The following HHAT variants were observed in gnomAD, a reference collection of about 807,000 sequenced individuals.
The protein encoded by HHAT is hedgehog acyltransferase.
A neutral mutation model predicts 70.8 loss-of-function variants in HHAT; 47 were observed. That is an observed-to-expected ratio of 0.66 (90% confidence interval 0.53 to 0.85). HHAT has a LOEUF of 0.85. Among genes scored for constraint, HHAT ranks in the 40% least tolerant of loss-of-function variants. The pLI is 0.00. For missense variants in HHAT, 609 were observed against 604.8 expected, an observed-to-expected ratio of 1.01 and a Z score of -0.07; for synonymous variants, 228 against 247.6, an observed-to-expected ratio of 0.92 and a Z score of 0.74.
intron 9 of HHAT, among the ~76,000 whole-genome samples, chr1:210,578,224 G>A (rs1658359299): frequency 6.6e-6 from 1 of 152,032 alleles, no homozygotes; most frequent in Non-Finnish European, 1.5e-5. Context: ...TATGTTTCAA[G>A]ATATATGTGA....
chr1:210,372,381 A>G (rs1221088837), intron 3 of HHAT, among the ~76,000 whole-genome samples: 1 of 152,244 alleles, frequency 6.6e-6, no homozygotes, highest in East Asian at 1.9e-4. Context: ...TTTAACAAAA[A>G]TAAAGTTCTT....
At chr1:210,359,490 G>A (rs922717472) in intron 2 of HHAT, among the ~76,000 whole-genome samples, 3 of 152,056 alleles carry the variant, frequency 2.0e-5, no homozygotes, top group Non-Finnish European at 4.4e-5. Flanking sequence ...CACCCAGATC[G>A]ATGAACTGGC....
At chr1:210,517,906 G>C (rs2095086094) in intron 9 of HHAT, among the ~76,000 whole-genome samples, 1 of 152,082 alleles carries the variant, frequency 6.6e-6, no homozygotes, top group Non-Finnish European at 1.5e-5. Flanking sequence ...ACCTCCTCAG[G>C]TGGGGCAGTA....
chr1:210,657,968 T>C (rs2148952156), intron 11 of HHAT, among the ~76,000 whole-genome samples: 1 of 152,334 alleles, frequency 6.6e-6, no homozygotes, highest in East Asian at 1.9e-4. Context: ...TTGCCACAAC[T>C]ATTATTTTTA....
At chr1:210,478,679 C>T (rs2148479655) in intron 8 of HHAT, among the ~76,000 whole-genome samples, 1 of 152,226 alleles carries the variant, frequency 6.6e-6, no homozygotes, top group African/African-American at 2.4e-5. Flanking sequence ...CGGCCCTTTT[C>T]CAGCATAATG....
chr1:210,670,618 A>G (rs1232792832), intron 11 of HHAT, among the ~76,000 whole-genome samples: 1 of 152,160 alleles, frequency 6.6e-6, no homozygotes, highest in Admixed American at 6.5e-5. Context: ...ATTCATGATG[A>G]TTCTGTCATC....
intron 5 of HHAT, among the ~76,000 whole-genome samples, chr1:210,400,930 A>G (rs1044235323): frequency 6.6e-6 from 1 of 152,214 alleles, no homozygotes; most frequent in Non-Finnish European, 1.5e-5. Context: ...GGGGTGCCAG[A>G]TGTCACAGGG....
chr1:210,605,865 T>C (rs78361450), intron 10 of HHAT, among the ~76,000 whole-genome samples: 3 of 151,814 alleles, frequency 2.0e-5, no homozygotes, highest in African/African-American at 4.8e-5. Context: ...TTTTTTTTTT[T>C]CCTCTTTTGA....
intron 1 of HHAT, chr1:210,329,316 G>T: frequency 8.2e-7 from 1 of 1,219,908 alleles, no homozygotes; most frequent in Non-Finnish European, 1.0e-6. Context: ...CCCGGGCAAA[G>T]GCGGGGATCT....
At chr1:210,349,538 G>T (rs1470890327) in intron 2 of HHAT, among the ~76,000 whole-genome samples, 1 of 152,016 alleles carries the variant, frequency 6.6e-6, no homozygotes, top group Non-Finnish European at 1.5e-5. Context: ...CGGCAGTTTG[G>T]CAAGGAGCAC....
chr1:210,332,451 C>T (rs1256237627), intron 1 of HHAT, among the ~76,000 whole-genome samples: 2 of 152,366 alleles, frequency 1.3e-5, no homozygotes, highest in African/African-American at 2.4e-5. Flanking sequence ...CGCAGTGACT[C>T]ATTAATCCTC....
chr1:210,469,906 T>C (rs1223275007), intron 8 of HHAT, among the ~76,000 whole-genome samples: 1 of 152,186 alleles, frequency 6.6e-6, no homozygotes, highest in Non-Finnish European at 1.5e-5. Flanking sequence ...ACATGTACCA[T>C]GGTGGTTTGC....
intron 7 of HHAT, among the ~76,000 whole-genome samples, chr1:210,444,521 A>G (rs1258684930): frequency 1.4e-5 from 2 of 145,300 alleles, no homozygotes; most frequent in Admixed American, 7.1e-5. Flanking sequence ...CCACAATTTC[A>G]GCTCCTGTTA....
chr1:210,384,820 C>G (rs1240203605), intron 3 of HHAT, among the ~76,000 whole-genome samples: 1 of 152,190 alleles, frequency 6.6e-6, no homozygotes, highest in Non-Finnish European at 1.5e-5. Context: ...AGCTCAGAGT[C>G]TATAAAGCTT....
chr1:210,414,060 C>T (rs1205873962), intron 6 of HHAT, among the ~76,000 whole-genome samples: 1 of 152,170 alleles, frequency 6.6e-6, no homozygotes, highest in Non-Finnish European at 1.5e-5. Flanking sequence ...GGCTTATAAG[C>T]CACATAAATG....
At chr1:210,674,238 C>A in intron 11 of HHAT, 50 bp from the exon 12 acceptor site, 1 of 1,491,730 alleles carries the variant, frequency 6.7e-7, no homozygotes, top group Non-Finnish European at 9.3e-7. Flanking sequence ...GTGGGATGTC[C>A]TGCCCCAAGC....
At chr1:210,496,822 G>A (rs2094652805) in intron 8 of HHAT, among the ~76,000 whole-genome samples, 1 of 152,164 alleles carries the variant, frequency 6.6e-6, no homozygotes, top group African/African-American at 2.4e-5. Context: ...ACCGGGCTAT[G>A]GGGGACTGTT....
intron 9 of HHAT, among the ~76,000 whole-genome samples, chr1:210,547,550 G>C (rs114955394): frequency 6.6e-6 from 1 of 152,200 alleles, no homozygotes; most frequent in African/African-American, 2.4e-5. Context: ...TTTTATCTGC[G>C]TATTAAGGCA....
intron 3 of HHAT, among the ~76,000 whole-genome samples, chr1:210,366,631 A>T (rs1316101293): frequency 7.9e-5 from 12 of 152,276 alleles, no homozygotes; most frequent in Non-Finnish European, 1.8e-4. Context: ...TCTAAAAATA[A>T]AATCAAAAAC....
Sources: allele counts gnomAD v4.1 joint callset (sites outside exome capture counted in the v4.1 genomes callset), GRCh38; gene constraint gnomAD v4.1.1; transcripts MANE v1.5; gene names NCBI Gene and HGNC (gene_info 2026-07-23, HGNC 2026-07-21).